Variants in ITGBL1 observed in about 807,000 individuals in gnomAD.
ITGBL1 encodes integrin beta-like protein 1.
A neutral mutation model predicts 68.5 loss-of-function variants in ITGBL1; 51 were observed. That is an observed-to-expected ratio of 0.74 (90% CI 0.59 to 0.94). ITGBL1 has a LOEUF of 0.94. Ranked by LOEUF, ITGBL1 falls within the 40% of genes least tolerant of loss-of-function variation. The pLI, the probability that ITGBL1 is intolerant of heterozygous loss-of-function variation, is 0.00. For missense variants in ITGBL1, 649 were observed against 647.4 expected, an observed-to-expected ratio of 1.00 and a Z score of -0.03; for synonymous variants, 209 against 227.3, an observed-to-expected ratio of 0.92 and a Z score of 0.72.
At chr13:101,570,610 A>G (rs1432444254) in intron 3 of ITGBL1, among the ~76,000 whole-genome samples, 1 of 152,192 alleles carries the variant, frequency 6.6e-6, no homozygotes, top group Non-Finnish European at 1.5e-5. Context: ...GCAGCTCCAA[A>G]TCAGAAGTGA....
At chr13:101,530,087 A>G (rs533152695) in intron 2 of ITGBL1, among the ~76,000 whole-genome samples, 1 of 152,278 alleles carries the variant, frequency 6.6e-6, no homozygotes, top group Admixed American at 6.5e-5. Flanking sequence ...AAATGCCTAG[A>G]GAGAAGAGAC....
At chr13:101,683,660 A>G (rs1031624809) in intron 7 of ITGBL1, among the ~76,000 whole-genome samples, 1 of 151,980 alleles carries the variant, frequency 6.6e-6, no homozygotes, top group East Asian at 1.9e-4. Context: ...GGTCCCCAGA[A>G]TATTCTACCA....
intron 2 of ITGBL1, among the ~76,000 whole-genome samples, chr13:101,494,606 T>C (rs2048828986): frequency 6.6e-6 from 1 of 152,204 alleles, no homozygotes; most frequent in African/African-American, 2.4e-5. Context: ...GCTATACATA[T>C]GATGGCTATA....
intron 8 of ITGBL1, among the ~76,000 whole-genome samples, chr13:101,695,868 A>C (rs1355998936): frequency 6.6e-6 from 1 of 152,194 alleles, no homozygotes; most frequent in Non-Finnish European, 1.5e-5. Flanking sequence ...TTTCAACTAC[A>C]TTGGAAGAGA....
intron 7 of ITGBL1, among the ~76,000 whole-genome samples, chr13:101,610,514 A>G (rs1478496835): frequency 6.6e-6 from 1 of 152,216 alleles, no homozygotes; most frequent in Non-Finnish European, 1.5e-5. Flanking sequence ...GTTGCTTATC[A>G]TAATCAATCT....
chr13:101,578,275 T>C (rs866367443), intron 4 of ITGBL1, among the ~76,000 whole-genome samples: 16 of 152,172 alleles, frequency 1.1e-4, no homozygotes, highest in Admixed American at 5.2e-4. Context: ...AGTCTCATAA[T>C]CAGTTTTGCA....
chr13:101,715,195 CG>C (rs1199649895), intron 10 of ITGBL1: 1 of 189,560 alleles, frequency 5.3e-6, no homozygotes, highest in African/African-American at 2.4e-5. Context: ...ACTCTCTTCA[CG>C]GATTACTTGG....
chr13:101,519,575 T>C (rs935254486), intron 2 of ITGBL1, among the ~76,000 whole-genome samples: 24 of 152,160 alleles, frequency 1.6e-4, no homozygotes, highest in African/African-American at 5.8e-4. Flanking sequence ...AGAATAAATA[T>C]AAAGTTTGGA....
At chr13:101,665,012 G>T (rs576245886) in intron 7 of ITGBL1, among the ~76,000 whole-genome samples, 1 of 152,254 alleles carries the variant, frequency 6.6e-6, no homozygotes, top group Admixed American at 6.5e-5. Flanking sequence ...GAGATTACAG[G>T]CATGAGCCAC....
chr13:101,709,756 A>G (rs2034378556), intron 9 of ITGBL1, among the ~76,000 whole-genome samples: 2 of 152,358 alleles, frequency 1.3e-5, no homozygotes, highest in East Asian at 1.9e-4. Context: ...TACGCTCACT[A>G]TTGAATCATT....
At chr13:101,639,302 T>C (rs1338109601) in intron 7 of ITGBL1, among the ~76,000 whole-genome samples, 1 of 152,338 alleles carries the variant, frequency 6.6e-6, no homozygotes, top group South Asian at 2.1e-4. Flanking sequence ...CAAAGTTTTC[T>C]TTTGTTCTGA....
At chr13:101,540,171 T>A (rs1415680895) in intron 2 of ITGBL1, among the ~76,000 whole-genome samples, 1 of 152,104 alleles carries the variant, frequency 6.6e-6, no homozygotes, top group African/African-American at 2.4e-5. Context: ...TCTTCTAGGG[T>A]TTTTATGGTT....
Position 101,598,168 on chromosome 13 carries a change from A to G in ITGBL1, c.884A>G (p.Asn295Ser), listed in dbSNP as rs749029370. 1.9e-6 allele frequency: 3 copies of G among 1,613,290 alleles called. No homozygotes were observed. The highest frequency in any genetic ancestry group is 1.7e-5 in the Admixed American group (1 of 59,878). ...CACTGTGAAGGTCATGGACAGTGTA[A>G]TTGCGGAAGATGTGACTGCAAAGCA... ...DDFCSGHGQC[N>S]CGRCDCKAGW... Residue 295 changes from asparagine (N) to serine (S), a missense_variant, in exon 7 of 11, where the codon AAT becomes AGT. Physicochemically the swap from Asn to Ser is conservative, Grantham distance 46. Coordinates refer to ENST00000376180, the MANE Select transcript of ITGBL1 (RefSeq NM_004791.3).
intron 7 of ITGBL1, among the ~76,000 whole-genome samples, chr13:101,640,137 G>T (rs112516726): frequency 8.5e-5 from 13 of 152,110 alleles, no homozygotes; most frequent in African/African-American, 3.1e-4. Flanking sequence ...AAGACAAGAA[G>T]TCCATGAAAA....
chr13:101,546,686 A>G (rs967994614), intron 2 of ITGBL1, among the ~76,000 whole-genome samples: 1 of 152,104 alleles, frequency 6.6e-6, no homozygotes, highest in East Asian at 1.9e-4. Context: ...AACTGTATAC[A>G]TTAACTATAG....
chr13:101,634,804 G>C (rs1566767716), intron 7 of ITGBL1, among the ~76,000 whole-genome samples: 1 of 152,048 alleles, frequency 6.6e-6, no homozygotes, highest in South Asian at 2.1e-4. Flanking sequence ...AAAGAAGAGT[G>C]TGGCTATTTG....
At chr13:101,552,222 A>G (rs1190857922) in intron 2 of ITGBL1, among the ~76,000 whole-genome samples, 1 of 152,190 alleles carries the variant, frequency 6.6e-6, no homozygotes, top group East Asian at 1.9e-4. Flanking sequence ...TTAGTCCTCA[A>G]GAAAGGAGAT....
chr13:101,565,476 A>G (rs2050169420), intron 2 of ITGBL1, among the ~76,000 whole-genome samples: 1 of 152,164 alleles, frequency 6.6e-6, no homozygotes, highest in South Asian at 2.1e-4. Flanking sequence ...GAAAGAATGT[A>G]AAGGCAGATG....
intron 7 of ITGBL1, among the ~76,000 whole-genome samples, chr13:101,647,852 T>G (rs2032613156): frequency 6.6e-6 from 1 of 151,998 alleles, no homozygotes; most frequent in Non-Finnish European, 1.5e-5. Flanking sequence ...TCAAGAACAG[T>G]GAAAGATTAG....
Sources: allele counts gnomAD v4.1 joint callset (sites outside exome capture counted in the v4.1 genomes callset), GRCh38; gene constraint gnomAD v4.1.1; transcripts MANE v1.5; gene names NCBI Gene and HGNC (gene_info 2026-07-23, HGNC 2026-07-21).